PLEC: variants seen among roughly 807,000 people sequenced by gnomAD.
The protein encoded by PLEC is hemidesmosomal protein 1.
Under a neutral mutation model 392.8 loss-of-function variants are expected in PLEC, and 216 were observed. The ratio of observed to expected loss-of-function variants is 0.55; its 90% CI spans 0.49 to 0.62. The LOEUF is 0.62. Ranked by LOEUF, PLEC falls within the 20% of genes least tolerant of loss-of-function variation. PLEC has a pLI of 0.00. For missense variants in PLEC, 6,863 were observed against 6,563.4 expected (o/e 1.05, Z -1.58); for synonymous variants, 3,621 against 2,980.6 (o/e 1.21, Z -7.00).
chr8:143,962,989 C>T (rs1832936394), intron 1 of PLEC, among the ~76,000 whole-genome samples: 1 of 152,190 alleles, frequency 6.6e-6, no homozygotes, highest in South Asian at 2.1e-4. Context: ...AGAAAGCCAT[C>T]TCTGCAGAGA....
At position 143,922,571 on chromosome 8, in the gene PLEC, G is replaced by A; in HGVS notation, c.7358C>T (p.Ala2453Val). ...HDAERLREAI[A>V]ELEREKEKLQ... ...CTTCTCCTTCTCACGCTCCAGCTCA[G>A]CGATGGCCTCCCGCAGGCGCTCGGC... The change falls in exon 31 of 32, where the codon GCT (alanine) becomes GTT (valine). Residue 2453 changes from alanine (A) to valine (V), a missense_variant. Physicochemically the swap from Ala to Val is moderately conservative, Grantham distance 64 (BLOSUM62 0). Transcript: ENST00000345136. The A allele has an allele frequency of 7.4e-6, 12 of 1,613,532 alleles. No individual in the cohort carries two copies. Among genetic ancestry groups the A allele is most frequent in the Non-Finnish European group, 1.0e-5 (12 of 1,179,988 alleles).
chr8:143,946,433 AG>A, intron 1 of PLEC: 1 of 1,282,754 alleles, frequency 7.8e-7, no homozygotes, highest in East Asian at 5.7e-5. Flanking sequence ...GCCGGCAGGG[AG>A]GAAGGCGAGG....
At position 143,926,974 on chromosome 8, in the gene PLEC, T is replaced by C. The variant is rs1586959206; in HGVS notation, c.3945+3A>G. The C allele has an allele frequency of 6.2e-7, 1 of 1,612,172 alleles. No individual in the cohort carries two copies. The highest frequency in any genetic ancestry group is 8.5e-7 in the Non-Finnish European group (1 of 1,178,976). On this transcript the variant is annotated splice_donor_region_variant and intron_variant, in intron 29 of 31. Transcript: ENST00000345136. The stretch of plus-strand genomic sequence containing the variant: ...CACCCAGTTAGGTTCGGCCCCACCC[T>C]ACCTCCTGGATGACACTCTCTGATC...
chr8:143,975,326 A>G (rs1554745700), upstream of PLEC: 1 of 1,611,576 alleles, frequency 6.2e-7, no homozygotes, highest in Non-Finnish European at 8.5e-7. This position sits in a 1 kb window ranked among gnomAD's most constrained non-coding sequence, Gnocchi z 9.9. Flanking sequence ...TCCATTGGAG[A>G]CATCTTCAGA....
At position 143,921,338 on chromosome 8, in the gene PLEC, A is replaced by G. The variant is rs1822601129; in HGVS notation, c.8483T>C (p.Val2828Ala). Residue 2828 changes from valine (V) to alanine (A), a missense_variant, in exon 32 of 32, where the codon GTG becomes GCG. Val to Ala is a moderately conservative substitution (Grantham distance 64). Transcript: ENST00000345136. ...PVHSHRVPVDVAYRRGYFDEE... is the reference protein window; with the variant it reads ...PVHSHRVPVDAAYRRGYFDEE... ...GTCGAAGTAGCCGCGCCGGTAGGCC[A>G]CGTCCACGGGCACGCGGTGGCTGTG... 1 of 1,613,656 alleles carries G rather than the reference A, an allele frequency of 6.2e-7. No individual in the cohort carries two copies. Among genetic ancestry groups the G allele is most frequent in the Non-Finnish European group, 8.5e-7 (1 of 1,179,976 alleles).
chr8:143,966,772 G>C (rs1489830635), intron 1 of PLEC, among the ~76,000 whole-genome samples: 10 of 152,190 alleles, frequency 6.6e-5, no homozygotes, highest in Admixed American at 4.6e-4. Context: ...CCCTGCGTCA[G>C]GAAGCCGGAT....
At chr8:143,930,572 G>T in intron 19 of PLEC, 36 bp from the exon 20 acceptor site, 1 of 1,560,984 alleles carries the variant, frequency 6.4e-7, no homozygotes, top group African/African-American at 1.4e-5. Flanking sequence ...CGAGGGCCAT[G>T]GAGACCCACA....
chr8:143,937,121 G>C, intron 4 of PLEC, 44 bp downstream of exon 4: 2 of 1,608,766 alleles, frequency 1.2e-6, no homozygotes, highest in Non-Finnish European at 1.7e-6. Context: ...GGCTGGCTTG[G>C]TGAGGGGTCT....
In PLEC at chr8:143,916,007, G is replaced by A. The variant is rs894209227; in HGVS notation, c.*170C>T. The A allele has an allele frequency of 3.8e-5, 20 of 530,304 alleles. No homozygotes were observed. Among genetic ancestry groups the A allele is most frequent in the African/African-American group, 1.6e-4 (8 of 48,762 alleles). The allele number at this position is 530,304 out of a possible 1,614,324, so 32.8% of individuals were successfully genotyped here. A position where few individuals can be genotyped will look rare whatever the true frequency, so the allele number is the denominator to read the frequency against. ...GGGCTGGGCCAGCCCTGTCCCCCAA[G>A]ATACAGGCTGTCTGGACAGCAGATA... is the stretch of plus-strand genomic sequence containing the variant. On this transcript the variant is annotated 3_prime_UTR_variant, in exon 32 of 32. Transcript: ENST00000345136.
chr8:143,945,747 C>T lies in PLEC; in HGVS notation c.523+4437G>A, dbSNP rs566798923. On this transcript the variant is annotated intron_variant, in intron 1 of 31. Coordinates refer to the PLEC transcript ENST00000322810. Reference sequence around the variant, plus strand: ...CAAGGCACAGTGAACCAGCCTGGCCCCGGGCCACTGGGCAGGCCACCCAGG... The same window carrying T: ...CAAGGCACAGTGAACCAGCCTGGCCTCGGGCCACTGGGCAGGCCACCCAGG... 2.6e-5 allele frequency among the ~76,000 whole-genome samples: 4 copies of T among 152,342 alleles called. No individual in the cohort carries two copies. In the East Asian group the frequency reaches 7.7e-4, roughly 29 times the overall value.
At position 143,932,781 on chromosome 8, in the gene PLEC, A is replaced by G. The variant is rs1827776292; in HGVS notation, c.1737+12T>C. The G allele has an allele frequency of 8.7e-6, 14 of 1,611,688 alleles. No individual in the cohort carries two copies. The highest frequency in any genetic ancestry group is 1.2e-5 in the Non-Finnish European group (14 of 1,179,578). On this transcript the variant is annotated intron_variant, in intron 14 of 31. Coordinates refer to ENST00000345136, the MANE Select transcript of PLEC (RefSeq NM_201384.3). The stretch of plus-strand genomic sequence containing the variant: ...CCCACCCCCGCACTGCCCATCGCTC[A>G]GCGCCACCCACCTCGTCACTCCGTG...
Position 143,925,195 on chromosome 8 carries a change from C to A in PLEC, c.4734G>T (p.Leu1578=). The stretch of plus-strand genomic sequence containing the variant: ...CGGCGAAGGAGGCGCGTTTGCTCTG[C>A]AGCTCCGCCTCTGCACTGCGCTGCG... ...ETAQRSAEAE[L]QSKRASFAEK... The change falls in exon 31 of 32, where the codon CTG becomes CTT. Residue 1578 remains leucine, a synonymous_variant. Transcript: ENST00000345136. 1 of 1,584,374 alleles carries A rather than the reference C, an allele frequency of 6.3e-7. No homozygotes were observed. The highest frequency in any genetic ancestry group is 2.3e-5 in the East Asian group (1 of 43,978).
rs782031373 is a variant in PLEC, at chr8:143,934,799, G to A, written c.945+11C>T. On this transcript the variant is annotated intron_variant, in intron 9 of 31. Coordinates refer to ENST00000345136, the MANE Select transcript of PLEC (RefSeq NM_201384.3). ...GCAGGCCCAGGACCCCGCCCCCCAC[G>A]GCAGGCCCACCTCAATCTCCTCGAA... 1.1e-5 allele frequency: 18 copies of A among 1,611,542 alleles called. No individual in the cohort carries two copies. The highest frequency in any genetic ancestry group is 1.6e-4 in the Middle Eastern group (1 of 6,082).
At chr8:143,933,375 G>T (rs141017863) in intron 12 of PLEC, 24 bp from the exon 13 acceptor site, 1 of 1,605,708 alleles carries the variant, frequency 6.2e-7, no homozygotes, top group South Asian at 1.1e-5. Flanking sequence ...GCCATGACTC[G>T]GAGCACAGCT....
At chr8:143,952,712 A>C (rs1832313976), upstream of PLEC, among the ~76,000 whole-genome samples, 1 of 152,102 alleles carries the variant, frequency 6.6e-6, no homozygotes, top group African/African-American at 2.4e-5. Context: ...TCTTAAAAGC[A>C]CGTGGACCTA....
upstream of PLEC, chr8:143,958,614 G>A (rs1471606180): frequency 1.8e-5 from 8 of 445,788 alleles, no homozygotes; most frequent in Non-Finnish European, 2.7e-5. This position sits in a 1 kb window ranked among gnomAD's most constrained non-coding sequence, Gnocchi z 4.9. Flanking sequence ...CTGGACAACA[G>A]CAGCCAGTGC....
rs535148755 is a variant in PLEC, at chr8:143,926,372, C to T, written c.4044+412G>A. ...CAACTCGGAAGAGGATTCAGGGCCA[C>T]GCAGAAGGTAGGGAGAAGCCAACAG... On this transcript the variant is annotated intron_variant, in intron 30 of 31. Coordinates refer to ENST00000345136, the MANE Select transcript of PLEC (RefSeq NM_201384.3). 9.2e-5 allele frequency among the ~76,000 whole-genome samples: 14 copies of T among 152,294 alleles called. No individual in the cohort carries two copies. The East Asian group carries it at 2.3e-3, about 25-fold the overall frequency.
At position 143,919,222 on chromosome 8, in the gene PLEC, G is replaced by A. The variant is rs1554677533; in HGVS notation, c.10599C>T (p.Asp3533=). The A allele has an allele frequency of 6.2e-7, 1 of 1,613,884 alleles. No individual in the cohort carries two copies. The highest frequency in any genetic ancestry group is 2.2e-5 in the East Asian group (1 of 44,884). The change falls in exon 32 of 32, where the codon GAC becomes GAT. Residue 3533 remains aspartate (D), a synonymous_variant. Transcript: ENST00000345136. Reference sequence around the variant, plus strand: ...GCAGAAGGCGCAAGCCCGTCTCGGGGTCCTCCACGCACCGCTCCAGCAGCT... The same window carrying A: ...GCAGAAGGCGCAAGCCCGTCTCGGGATCCTCCACGCACCGCTCCAGCAGCT... The part of the protein sequence containing the change: ...YRQLLERCVE[D]PETGLRLLPL...
chr8:143,961,614 A>G (rs1369152810), intron 1 of PLEC, among the ~76,000 whole-genome samples: 1 of 152,196 alleles, frequency 6.6e-6, no homozygotes, highest in African/African-American at 2.4e-5. Context: ...CAAAAATCCA[A>G]AATTAAACTC....
Sources: gnomAD v4.1 joint callset for allele counts (sites outside exome capture counted in the v4.1 genomes callset) on GRCh38, gnomAD v4.1.1 for gene constraint, Gnocchi (gnomAD v3.1) non-coding constraint, MANE v1.5 for transcripts, NCBI Gene and HGNC (gene_info 2026-07-23, HGNC 2026-07-21) for gene names.